The following GPATCH8 variants were observed in gnomAD, a reference collection of about 807,000 sequenced individuals.
The protein encoded by GPATCH8 is G-patch domain containing 8.
A neutral mutation model predicts 118.3 loss-of-function variants in GPATCH8; 18 were observed. That is an observed-to-expected ratio of 0.15 (90% CI 0.11 to 0.23). The LOEUF (loss-of-function observed/expected upper bound fraction) is 0.23. Ranked by LOEUF, GPATCH8 falls within the 10% of genes least tolerant of loss-of-function variation. The pLI, the probability that GPATCH8 is intolerant of heterozygous loss-of-function variation, is 1.00. For missense variants in GPATCH8, 1,631 were observed against 1,873.8 expected (o/e 0.87, Z 2.39); for synonymous variants, 659 against 684.7 (o/e 0.96, Z 0.59).
At chr17:44,470,038 T>C (rs1036415825) in intron 2 of GPATCH8, among the ~76,000 whole-genome samples, 4 of 152,214 alleles carry the variant, frequency 2.6e-5, no homozygotes, top group African/African-American at 4.8e-5. Context: ...TTAAACCTAT[T>C]AGGTCATCCT....
chr17:44,462,582 G>C (rs2051596671), intron 3 of GPATCH8, among the ~76,000 whole-genome samples: 1 of 152,160 alleles, frequency 6.6e-6, no homozygotes, highest in Non-Finnish European at 1.5e-5. Flanking sequence ...ATAGGTTAAT[G>C]CTTAGTAATG....
At chr17:44,477,753 G>A (rs2144395917) in intron 1 of GPATCH8, among the ~76,000 whole-genome samples, 1 of 150,734 alleles carries the variant, frequency 6.6e-6, no homozygotes, top group Admixed American at 6.6e-5. Context: ...ATGAAAAAAA[G>A]CAGTCATGAA....
intron 6 of GPATCH8, among the ~76,000 whole-genome samples, chr17:44,417,689 G>A (rs2049739404): frequency 6.6e-6 from 1 of 152,196 alleles, no homozygotes; most frequent in Non-Finnish European, 1.5e-5. Flanking sequence ...GTGTGGGAAG[G>A]AAGGAAAAGC....
At chr17:44,428,517 T>C (rs2050172200) in intron 5 of GPATCH8, among the ~76,000 whole-genome samples, 2 of 146,232 alleles carry the variant, frequency 1.4e-5, no homozygotes, top group Non-Finnish European at 3.0e-5. Context: ...AAAGTACTTG[T>C]AGAGGCCAGG....
chr17:44,477,678 G>A (rs1402015621), intron 1 of GPATCH8, among the ~76,000 whole-genome samples: 1 of 151,744 alleles, frequency 6.6e-6, no homozygotes, highest in African/African-American at 2.4e-5. Flanking sequence ...GGAATAGCAA[G>A]GGACAGGAGG....
chr17:44,469,539 C>T (rs1359461021), intron 2 of GPATCH8, among the ~76,000 whole-genome samples: 1 of 152,188 alleles, frequency 6.6e-6, no homozygotes, highest in Non-Finnish European at 1.5e-5. Flanking sequence ...TGGATGAATA[C>T]TAATTCTATA....
chr17:44,464,933 A>ATT (rs542413358), intron 2 of GPATCH8: 5 of 165,964 alleles, frequency 3.0e-5, no homozygotes, highest in African/African-American at 5.0e-5. Context: ...CCACTTTAAG[A>ATT]TTTTTTTTTT....
intron 3 of GPATCH8, among the ~76,000 whole-genome samples, chr17:44,455,283 C>T (rs1215623262): frequency 6.6e-6 from 1 of 152,110 alleles, no homozygotes; most frequent in South Asian, 2.1e-4. Flanking sequence ...GGGCAGATCA[C>T]CTGAGTTCGG....
intron 1 of GPATCH8, among the ~76,000 whole-genome samples, chr17:44,478,010 TG>T (rs200867780): frequency 1.7e-4 from 18 of 105,260 alleles, no homozygotes; most frequent in African/African-American, 5.8e-4. Context: ...GGGTGGGGGG[TG>T]GGGGGGTTCA....
Position 44,396,165 on chromosome 17 carries a change from A to G in GPATCH8, c.*1403T>C. ...GGCACATTAAAAAAAAAATTGTCAGAGGGGGCTAAGTACTAGGAAGGCAAA... is the reference window on the plus strand; with the variant it reads ...GGCACATTAAAAAAAAAATTGTCAGGGGGGGCTAAGTACTAGGAAGGCAAA... On this transcript the variant is annotated 3_prime_UTR_variant, in exon 8 of 8. Transcript: ENST00000591680. 2.2e-6 allele frequency: 1 copy of G among 454,482 alleles called. No individual in the cohort carries two copies. Among genetic ancestry groups the G allele is most frequent in the Non-Finnish European group, 4.4e-6 (1 of 226,780 alleles). 28.2% of individuals were successfully genotyped at this position (454,482 alleles called of 1,614,324 possible). A position where few individuals can be genotyped will look rare whatever the true frequency, so the allele number is the denominator to read the frequency against.
intron 3 of GPATCH8, among the ~76,000 whole-genome samples, chr17:44,463,004 A>G (rs1406024068): frequency 1.3e-5 from 2 of 151,710 alleles, no homozygotes; most frequent in African/African-American, 4.8e-5. Context: ...ATAAATAAAT[A>G]AATAAATAAA....
rs2048749384 is a variant in GPATCH8 at position 44,395,559 on chromosome 17, A to C, written c.*2009T>G. 6.6e-6 allele frequency: 3 copies of C among 454,342 alleles called. No homozygotes were observed. The highest frequency in any genetic ancestry group is 1.3e-5 in the Non-Finnish European group (3 of 226,804). The allele number at this position is 454,342 out of a possible 1,614,324, so 28.1% of individuals were successfully genotyped here. ...TTACATGGGCTGAAAGCAAAGAAAA[A>C]TGAGTCCCTTCACTTACACAGATGA... is the stretch of plus-strand genomic sequence containing the variant. On this transcript the variant is annotated 3_prime_UTR_variant, in exon 8 of 8. Transcript: ENST00000591680.
At chr17:44,457,993 G>A (rs1275070224) in intron 3 of GPATCH8, among the ~76,000 whole-genome samples, 1 of 151,934 alleles carries the variant, frequency 6.6e-6, no homozygotes, top group Non-Finnish European at 1.5e-5. Flanking sequence ...GCTGAGGCAG[G>A]AGAATGGCGT....
chr17:44,443,290 A>T (rs1022586211), intron 3 of GPATCH8, among the ~76,000 whole-genome samples: 2 of 152,346 alleles, frequency 1.3e-5, no homozygotes, highest in African/African-American at 4.8e-5. Context: ...CATTTCATTT[A>T]TTGAAACTGT....
chr17:44,397,315 C>T lies in GPATCH8; in HGVS notation c.*253G>A. On this transcript the variant is annotated 3_prime_UTR_variant, in exon 8 of 8. Coordinates refer to ENST00000591680, the MANE Select transcript of GPATCH8 (RefSeq NM_001002909.4). ...GCTGCAGAGGGGTGGGTAGCACTTA[C>T]TGGTGTTCCCTAGCTTAGAAACACA... 1 of 651,986 alleles carries T rather than the reference C, an allele frequency of 1.5e-6. No individual in the cohort carries two copies. The highest frequency in any genetic ancestry group is 2.1e-5 in the Admixed American group (1 of 48,338). 40.4% of individuals were successfully genotyped at this position (651,986 alleles called of 1,614,324 possible).
intron 6 of GPATCH8, among the ~76,000 whole-genome samples, chr17:44,414,159 G>GTATATATATATGTGTA (rs2049587647): frequency 9.9e-6 from 1 of 100,854 alleles, no homozygotes; most frequent in African/African-American, 3.3e-5. Context: ...ATATATATGT[G>GTATATATATATGTGTA]TATATATATA....
chr17:44,446,382 C>T (rs892310061), intron 3 of GPATCH8, among the ~76,000 whole-genome samples: 10 of 152,182 alleles, frequency 6.6e-5, no homozygotes, highest in Non-Finnish European at 8.8e-5. Context: ...CTGGCTAACA[C>T]GGCGAAACCC....
intron 3 of GPATCH8, among the ~76,000 whole-genome samples, chr17:44,440,314 A>G (rs987133254): frequency 6.6e-5 from 10 of 152,248 alleles, no homozygotes; most frequent in Admixed American, 5.9e-4. Context: ...AAGGAAACAC[A>G]TGCAAAATCA....
chr17:44,399,122 G>A lies in GPATCH8; in HGVS notation c.2955C>T (p.Ser985=). ...RSTTAHSWQR[S]RSYSRDRSRS... ...GGCTGCGGTCCCGGCTATAGCTCCG[G>A]CTCCGTTGCCAGCTGTGGGCTGTGG... The change falls in exon 8 of 8, where the codon AGC becomes AGT. Residue 985 remains serine, a synonymous_variant. Transcript: ENST00000591680. 1.2e-6 allele frequency: 2 copies of A among 1,610,854 alleles called. No individual in the cohort carries two copies. The highest frequency in any genetic ancestry group is 2.7e-5 in the African/African-American group (2 of 74,746).
Sources: allele counts gnomAD v4.1 joint callset (sites outside exome capture counted in the v4.1 genomes callset), GRCh38; gene constraint gnomAD v4.1.1; transcripts MANE v1.5; gene names NCBI Gene and HGNC (gene_info 2026-07-23, HGNC 2026-07-21).